MATN1: variants seen among roughly 807,000 people sequenced by gnomAD.
MATN1 encodes matrilin 1, also known as matrilin-1.
In MATN1, 34 loss-of-function variants were observed where a neutral mutation model predicts 41.3. The ratio of observed to expected loss-of-function variants is 0.82; its 90% CI spans 0.63 to 1.10. The LOEUF is 1.10. Among genes scored for constraint, MATN1 ranks in the 50% least tolerant of loss-of-function variants. The pLI is 0.00. For missense variants in MATN1, 602 were observed against 662.4 expected, an observed-to-expected ratio of 0.91 and a Z score of 1.00; for synonymous variants, 264 against 278.7, an observed-to-expected ratio of 0.95 and a Z score of 0.53.
At chr1:30,719,049 T>C (rs1046665919) in intron 2 of MATN1, 92 bp from the exon 3 acceptor site, 2 of 1,048,794 alleles carry the variant, frequency 1.9e-6, no homozygotes, top group African/African-American at 1.7e-5. Context: ...GCGGGAGGAC[T>C]GCCGGGTCGC....
chr1:30,716,852 C>A lies in MATN1; in HGVS notation c.728G>T (p.Gly243Val). 1 of 1,613,854 alleles carries A rather than the reference C, an allele frequency of 6.2e-7. No individual in the cohort carries two copies. Among genetic ancestry groups the A allele is most frequent in the South Asian group, 1.1e-5 (1 of 91,036 alleles). The change falls in exon 4 of 8, where the codon GGT (glycine) becomes GTT (valine). Residue 243 changes from glycine to valine, a missense_variant. Gly to Val is a moderately radical substitution (Grantham distance 109, BLOSUM62 -3). Transcript: ENST00000373765. ...DCEQVCISSP[G>V]SYTCACHEGF... Reference sequence around the variant, plus strand: ...CTCGTGGCAGGCGCAGGTGTAGGAACCGGGGGAGCTGATGCACACCTGCTC... The same window carrying A: ...CTCGTGGCAGGCGCAGGTGTAGGAAACGGGGGAGCTGATGCACACCTGCTC...
chr1:30,715,276 G>A lies in MATN1; in HGVS notation c.1241C>T (p.Ala414Val). 6.2e-7 allele frequency: 1 copy of A among 1,614,190 alleles called. No homozygotes were observed. Among genetic ancestry groups the A allele is most frequent in the South Asian group, 1.1e-5 (1 of 91,090 alleles). ...TATTTCCCTCAGCTCATCCTCCACG[G>A]CATTGCCCACACCCACAGCAAACAT... is the stretch of plus-strand genomic sequence containing the variant. ...FKMFAVGVGN[A>V]VEDELREIAS... Residue 414 changes from alanine (A) to valine (V), a missense_variant, in exon 6 of 8, where the codon GCC becomes GTC. Transcript: ENST00000373765.
Position 30,718,831 on chromosome 1 carries a change from G to C in MATN1, c.568C>G (p.Gln190Glu). Residue 190 changes from glutamine to glutamate, a missense_variant, in exon 3 of 8, where the codon CAG becomes GAG. Gln to Glu is a conservative substitution (Grantham distance 29). Coordinates refer to ENST00000373765, the MANE Select transcript of MATN1 (RefSeq NM_002379.3). ...TCGTCCTGCGGCTCGCTGGCGATCTGCCGCAGCGTGGCCTTGTCCACGCTG... is the reference window on the plus strand; with the variant it reads ...TCGTCCTGCGGCTCGCTGGCGATCTCCCGCAGCGTGGCCTTGTCCACGCTG... ...VGSVDKATLR[Q>E]IASEPQDEHV... The C allele has an allele frequency of 6.2e-7, 1 of 1,609,216 alleles. No homozygotes were observed.
At chr1:30,714,710 A>G (rs1639594523) in intron 6 of MATN1, among the ~76,000 whole-genome samples, 1 of 152,166 alleles carries the variant, frequency 6.6e-6, no homozygotes, top group Non-Finnish European at 1.5e-5. Flanking sequence ...GCCCATGGCC[A>G]ACAGCGTCAG....
chr1:30,722,886 G>A (rs756481701), intron 1 of MATN1, among the ~76,000 whole-genome samples: 9 of 152,190 alleles, frequency 5.9e-5, no homozygotes, highest in Admixed American at 1.3e-4. Context: ...GACCCAAAGA[G>A]GGAAAGGGAA....
intron 3 of MATN1, 135 bp downstream of exon 3, chr1:30,718,600 G>GCCCCCCCCCC: frequency 9.3e-5 from 1 of 10,732 alleles, no homozygotes; most frequent in South Asian, 1.4e-3. Context: ...CCCCCCCCCC[G>GCCCCCCCCCC]GCCCCGCCCC....
chr1:30,713,623 C>A lies in MATN1; in HGVS notation c.1450G>T (p.Val484Leu). ...LQALTRKLEA[V>L]SKRLAILENT... ...TCCAGGATGGCCAGCCGCTTACTCA[C>A]AGCTTCCAGTGGACTCAGAGTTAAG... The change falls in exon 8 of 8, where the codon GTG becomes TTG. Residue 484 changes from valine to leucine, a missense_variant. By Grantham distance (32) the Val-to-Leu change is conservative. Coordinates refer to ENST00000373765, the MANE Select transcript of MATN1 (RefSeq NM_002379.3). 1 of 1,553,588 alleles carries A rather than the reference C, an allele frequency of 6.4e-7. No individual in the cohort carries two copies. Among genetic ancestry groups the A allele is most frequent in the Non-Finnish European group, 8.7e-7 (1 of 1,147,770 alleles).
intron 7 of MATN1, chr1:30,713,956 T>C (rs1639585866): frequency 1.7e-6 from 1 of 577,964 alleles, no homozygotes; most frequent in African/African-American, 1.9e-5. Context: ...GCCTGAGAAA[T>C]GGGGCATCCA....
chr1:30,716,197 C>T lies in MATN1; in HGVS notation c.919G>A (p.Val307Met), dbSNP rs199657271. Residue 307 changes from valine (V) to methionine (M), a missense_variant, in exon 5 of 8, where the codon GTG (valine) becomes ATG (methionine). By Grantham distance (21) the Val-to-Met change is conservative. Coordinates refer to ENST00000373765, the MANE Select transcript of MATN1 (RefSeq NM_002379.3). ...CCCACCTGGGCCAGCTTGTCTGACACGTCCAGCGTATCCACGATCTGACTG... is the reference window on the plus strand; with the variant it reads ...CCCACCTGGGCCAGCTTGTCTGACATGTCCAGCGTATCCACGATCTGACTG... ...FISQIVDTLD[V>M]SDKLAQVGLV... 7.4e-5 allele frequency: 120 copies of T among 1,614,236 alleles called. No individual in the cohort carries two copies. In the South Asian group the frequency reaches 7.9e-4, roughly 11 times the overall value.
At position 30,711,962 on chromosome 1, in the gene MATN1, G is replaced by C. The variant is rs1208650226; in HGVS notation, c.*1620C>G. ...TGAACTGTGTAGGAGGTGGAGTCAGGTCATGGGGGCGAGGGTGGCTGTGCC... is the reference window on the plus strand; with the variant it reads ...TGAACTGTGTAGGAGGTGGAGTCAGCTCATGGGGGCGAGGGTGGCTGTGCC... On this transcript the variant is annotated 3_prime_UTR_variant, in exon 8 of 8. Transcript: ENST00000373765. The C allele has an allele frequency of 6.5e-6, 1 of 152,730 alleles. No homozygotes were observed. Among genetic ancestry groups the C allele is most frequent in the Admixed American group, 6.5e-5 (1 of 15,310 alleles). 9.5% of individuals were successfully genotyped at this position (152,730 alleles called of 1,614,324 possible).
rs1569823704 is a variant in MATN1, at chr1:30,712,677, G to A, written c.*905C>T. ...CTCAACTGTATGTCTCTTAGGGCAG[G>A]AACTACGTCTGTCTCATACAGCACC... On this transcript the variant is annotated 3_prime_UTR_variant, in exon 8 of 8. Transcript: ENST00000373765. The A allele has an allele frequency of 6.7e-6, 1 of 149,718 alleles. No homozygotes were observed. Among genetic ancestry groups the A allele is most frequent in the Non-Finnish European group, 1.5e-5 (1 of 67,758 alleles). The allele number at this position is 149,718 out of a possible 1,614,324, so 9.3% of individuals were successfully genotyped here.
chr1:30,722,910 A>G (rs745505509), intron 1 of MATN1, among the ~76,000 whole-genome samples: 1 of 152,230 alleles, frequency 6.6e-6, no homozygotes, highest in Non-Finnish European at 1.5e-5. Flanking sequence ...GCCACACCGT[A>G]CAGCAGTAGA....
chr1:30,721,498 T>C lies in MATN1; in HGVS notation c.348A>G (p.Thr116=). The change falls in exon 2 of 8, where the codon ACA becomes ACG. Residue 116 remains threonine (T), a synonymous_variant. Transcript: ENST00000373765. ...GGATGGCCAGGCCGGTCATGGTGCC[T>C]GTGGACAGCGGCTGGATACGGCGCA... The part of the protein sequence containing the change: ...QAVRRIQPLS[T]GTMTGLAIQF... The C allele has an allele frequency of 1.9e-6, 3 of 1,613,496 alleles. No individual in the cohort carries two copies. Among genetic ancestry groups the C allele is most frequent in the Non-Finnish European group, 2.5e-6 (3 of 1,180,024 alleles).
At chr1:30,715,799 C>T in intron 5 of MATN1, 110 bp downstream of exon 5, 2 of 1,127,278 alleles carry the variant, frequency 1.8e-6, no homozygotes, top group Non-Finnish European at 2.5e-6. Context: ...TCAAACTCAC[C>T]TGGGTTTAGG....
chr1:30,721,658 A>G lies in MATN1; in HGVS notation c.188T>C (p.Phe63Ser). 1.2e-6 allele frequency: 2 copies of G among 1,613,438 alleles called. No individual in the cohort carries two copies. Among genetic ancestry groups the G allele is most frequent in the Non-Finnish European group, 1.7e-6 (2 of 1,180,038 alleles). The change falls in exon 2 of 8, where the codon TTC (phenylalanine) becomes TCC (serine). Residue 63 changes from phenylalanine to serine, a missense_variant. Physicochemically the swap from Phe to Ser is radical, Grantham distance 155 (BLOSUM62 -2). Transcript: ENST00000373765. The stretch of plus-strand genomic sequence containing the variant: ...CAGCGACTCGATGACCTGGGACAGG[A>G]ATACCTTCACTTTCTCAAATTCAAC... ...RPVEFEKVKVFLSQVIESLDV... is the reference protein window; with the variant it reads ...RPVEFEKVKVSLSQVIESLDV...
rs116642097 is a variant in MATN1 at position 30,718,367 on chromosome 1, C to T, written c.664+368G>A. ...GAGCCGACTCTCTCCGCCTCCGCCCCGGTCCCGCCCTGGCACTGACTGTCT... is the reference window on the plus strand; with the variant it reads ...GAGCCGACTCTCTCCGCCTCCGCCCTGGTCCCGCCCTGGCACTGACTGTCT... On this transcript the variant is annotated intron_variant, in intron 3 of 7. Coordinates refer to ENST00000373765, the MANE Select transcript of MATN1 (RefSeq NM_002379.3). The T allele has an allele frequency of 7.6e-3, 1,755 of 231,876 alleles. 28 individuals carry two copies. Among genetic ancestry groups the T allele is most frequent in the African/African-American group, 0.038 (1,627 of 42,650 alleles). The allele number at this position is 231,876 out of a possible 1,614,324, so 14.4% of individuals were successfully genotyped here. A position where few individuals can be genotyped will look rare whatever the true frequency, so the allele number is the denominator to read the frequency against.
chr1:30,714,841 C>A (rs1458596704), intron 6 of MATN1, among the ~76,000 whole-genome samples: 2 of 152,154 alleles, frequency 1.3e-5, no homozygotes, highest in African/African-American at 4.8e-5. Context: ...CTTGGCTCTC[C>A]CAGCTATTAA....
intron 7 of MATN1, chr1:30,713,970 G>T (rs745841318): frequency 2.2e-5 from 13 of 580,010 alleles, no homozygotes; most frequent in Non-Finnish European, 4.0e-5. Flanking sequence ...GCATCCATGG[G>T]CTCCATGTTC....
In MATN1 at chr1:30,713,560, G is replaced by A; in HGVS notation, c.*22C>T. The A allele has an allele frequency of 2.2e-5, 34 of 1,552,466 alleles. No individual in the cohort carries two copies. The highest frequency in any genetic ancestry group is 3.0e-5 in the Non-Finnish European group (34 of 1,147,260). On this transcript the variant is annotated 3_prime_UTR_variant, in exon 8 of 8. Transcript: ENST00000373765. ...GGACACGTGCAGGACGCTTGGAGAG[G>A]CCACAGTGGTGACAGGCAGCCTTAG...
Sources: allele counts gnomAD v4.1 joint callset (sites outside exome capture counted in the v4.1 genomes callset), GRCh38; gene constraint gnomAD v4.1.1; transcripts MANE v1.5; gene names NCBI Gene and HGNC (gene_info 2026-07-23, HGNC 2026-07-21).